The following ADAMTS14 variants were observed in gnomAD, a reference collection of about 807,000 sequenced individuals.
The protein encoded by ADAMTS14 is A disintegrin and metalloproteinase with thrombospondin motifs 14.
Under a neutral mutation model 128.6 loss-of-function variants are expected in ADAMTS14, and 100 were observed. The ratio of observed to expected loss-of-function variants is 0.78; its 90% CI spans 0.66 to 0.92. ADAMTS14 has a LOEUF of 0.92. Among genes scored for constraint, ADAMTS14 ranks in the 40% least tolerant of loss-of-function variants. ADAMTS14 has a pLI of 0.00. For synonymous variants in ADAMTS14, 665 were observed against 653.8 expected (o/e 1.02, Z -0.26); for missense variants, 1,562 against 1,658.6 (o/e 0.94, Z 1.01).
intron 4 of ADAMTS14, among the ~76,000 whole-genome samples, chr10:70,715,325 G>A (rs1841004658): frequency 6.6e-6 from 1 of 152,174 alleles, no homozygotes; most frequent in African/African-American, 2.4e-5. Flanking sequence ...GACCCCAGGA[G>A]AGGGAGTGCT....
intron 18 of ADAMTS14, among the ~76,000 whole-genome samples, chr10:70,753,473 T>C (rs1842403210): frequency 6.6e-6 from 1 of 152,192 alleles, no homozygotes; most frequent in African/African-American, 2.4e-5. Flanking sequence ...CAAATATGTA[T>C]GCGGCTTTGA....
At position 70,758,422 on chromosome 10, in the gene ADAMTS14, T is replaced by C; in HGVS notation, c.3178+137T>C. 5.6e-6 allele frequency: 4 copies of C among 708,110 alleles called. No individual in the cohort carries two copies. The South Asian group carries it at 7.9e-5, about 14-fold the overall frequency. The allele number at this position is 708,110 out of a possible 1,614,324, so 43.9% of individuals were successfully genotyped here. On this transcript the variant is annotated intron_variant, in intron 21 of 21. Coordinates refer to ENST00000373207, the MANE Select transcript of ADAMTS14 (RefSeq NM_080722.4). ...TTCACCTCCCTGAGCCTCAGATACCTCAGTTATGAAGTGGGGAGGAGGCTC... is the reference window on the plus strand; with the variant it reads ...TTCACCTCCCTGAGCCTCAGATACCCCAGTTATGAAGTGGGGAGGAGGCTC...
At chr10:70,756,046 T>C (rs946744) in intron 19 of ADAMTS14, among the ~76,000 whole-genome samples, 38,706 of 151,994 alleles carry the variant, frequency 0.25, 5,119 homozygotes, top group Admixed American at 0.28. Flanking sequence ...ACAAGAAAAA[T>C]GAACAGGCCT....
At chr10:70,743,919 C>A (rs1188795280) in intron 13 of ADAMTS14, 147 bp from the exon 14 acceptor site, 1 of 1,221,324 alleles carries the variant, frequency 8.2e-7, no homozygotes, top group Non-Finnish European at 1.1e-6. Context: ...CCAGGTCCCA[C>A]GGTGAATTCG....
At chr10:70,743,230 G>T (rs144580657) in intron 12 of ADAMTS14, among the ~76,000 whole-genome samples, 1 of 152,188 alleles carries the variant, frequency 6.6e-6, no homozygotes, top group Non-Finnish European at 1.5e-5. Flanking sequence ...GAAATATCTA[G>T]TACATAGTAA....
At chr10:70,712,959 AACTCTGTTCTGCC>A (rs1840908349) in intron 4 of ADAMTS14, among the ~76,000 whole-genome samples, 1 of 152,170 alleles carries the variant, frequency 6.6e-6, no homozygotes, top group Non-Finnish European at 1.5e-5. Flanking sequence ...TCTCTTCTGC[AACTCTGTTCTGCC>A]ACCTGCTCCT....
At chr10:70,743,516 C>T (rs758779417) in intron 12 of ADAMTS14, 32 bp from the exon 13 acceptor site, 23 of 1,601,870 alleles carry the variant, frequency 1.4e-5, no homozygotes, top group Non-Finnish European at 1.9e-5. Context: ...CTGAGCCCAG[C>T]TGGGGACTCA....
At chr10:70,682,507 C>T (rs1394209692) in intron 2 of ADAMTS14, among the ~76,000 whole-genome samples, 1 of 152,224 alleles carries the variant, frequency 6.6e-6, no homozygotes, top group African/African-American at 2.4e-5. Flanking sequence ...TGCCATGACC[C>T]TGAGCAGTTA....
chr10:70,683,203 G>A (rs1007712963), intron 2 of ADAMTS14, among the ~76,000 whole-genome samples: 21 of 152,316 alleles, frequency 1.4e-4, no homozygotes, highest in African/African-American at 4.8e-4. Context: ...GGGGAAACCC[G>A]TTTACCTCCC....
At chr10:70,706,865 G>C (rs1840683238) in intron 3 of ADAMTS14, among the ~76,000 whole-genome samples, 1 of 152,272 alleles carries the variant, frequency 6.6e-6, no homozygotes, top group Non-Finnish European at 1.5e-5. Flanking sequence ...TAGCAGCGTA[G>C]AGGCGGCTCG....
chr10:70,704,291 G>A (rs1840583131), intron 3 of ADAMTS14, among the ~76,000 whole-genome samples: 1 of 152,058 alleles, frequency 6.6e-6, no homozygotes, highest in South Asian at 2.1e-4. Context: ...TCGGCACTCA[G>A]TAAGGCCTCA....
intron 13 of ADAMTS14, 48 bp from the exon 14 acceptor site, chr10:70,744,018 G>A (rs201330432): frequency 1.0e-5 from 16 of 1,541,238 alleles, no homozygotes; most frequent in Admixed American, 9.9e-5. Flanking sequence ...CCGGGGTGGC[G>A]GTGGGGGCAG....
intron 2 of ADAMTS14, among the ~76,000 whole-genome samples, chr10:70,676,693 G>T (rs1181379190): frequency 6.6e-6 from 1 of 152,262 alleles, no homozygotes; most frequent in Non-Finnish European, 1.5e-5. Context: ...TCTGCCGCCA[G>T]CCCACTCTGG....
chr10:70,754,922 C>T (rs764385835), intron 19 of ADAMTS14, among the ~76,000 whole-genome samples: 4 of 152,070 alleles, frequency 2.6e-5, no homozygotes, highest in Admixed American at 6.5e-5. Context: ...ACTGCCTTGA[C>T]GAAATTGTCT....
In ADAMTS14 at chr10:70,753,772, ACCT is replaced by A. The variant is rs770682881; in HGVS notation, c.2730-23_2730-21del. 22 of 1,527,606 alleles carry A rather than the reference ACCT, an allele frequency of 1.4e-5. No individual in the cohort carries two copies. In the South Asian group the frequency reaches 2.7e-4, roughly 19 times the overall value. The allele number at this position is 1,527,606 out of a possible 1,614,324, so 94.6% of individuals were successfully genotyped here. ...TGGGATGAAGTGCCCCCTTGGTCTC[ACCT>A]CCTCTCCTTTCACCCTGTTTCCAGG... On this transcript the variant is annotated intron_variant, in intron 18 of 21. Transcript: ENST00000373207.
At chr10:70,675,026 C>T (rs1164484535) in intron 2 of ADAMTS14, 31 bp downstream of exon 2, 1 of 1,599,376 alleles carries the variant, frequency 6.3e-7, no homozygotes, top group Non-Finnish European at 8.5e-7. Flanking sequence ...TAAGCTGCAT[C>T]CTCCCCCTCC....
At chr10:70,714,061 T>C (rs1840941951) in intron 4 of ADAMTS14, among the ~76,000 whole-genome samples, 1 of 152,092 alleles carries the variant, frequency 6.6e-6, no homozygotes, top group South Asian at 2.1e-4. Context: ...AGCAAGGTGG[T>C]GCACACCTGT....
In ADAMTS14 at chr10:70,751,620, C is replaced by A. The variant is rs754735629; in HGVS notation, c.2570C>A (p.Ala857Asp). Residue 857 changes from alanine to aspartate, a missense_variant, in exon 17 of 22, where the codon GCC (alanine) becomes GAC (aspartate). Ala to Asp is a moderately radical substitution (Grantham distance 126, BLOSUM62 -2). Coordinates refer to ENST00000373207, the MANE Select transcript of ADAMTS14 (RefSeq NM_080722.4). ...TATGAGTGGGCGCTCAAGAGCTGGGCCCCCTGCAGCAAGGCCTGTGGAGGA... is the reference window on the plus strand; with the variant it reads ...TATGAGTGGGCGCTCAAGAGCTGGGACCCCTGCAGCAAGGCCTGTGGAGGA... ...DTYEWALKSW[A>D]PCSKACGGGI... is the part of the protein sequence containing the mutation. 2 of 1,611,260 alleles carry A rather than the reference C, an allele frequency of 1.2e-6. No homozygotes were observed. The highest frequency in any genetic ancestry group is 1.1e-5 in the South Asian group (1 of 91,002).
intron 13 of ADAMTS14, 63 bp downstream of exon 13, chr10:70,743,744 C>G: frequency 6.8e-7 from 1 of 1,478,462 alleles, no homozygotes; most frequent in Non-Finnish European, 9.0e-7. Flanking sequence ...GCACTGTAGC[C>G]CCTCCTGCCT....
Sources: gnomAD v4.1 joint callset for allele counts (sites outside exome capture counted in the v4.1 genomes callset) on GRCh38, gnomAD v4.1.1 for gene constraint, MANE v1.5 for transcripts, NCBI Gene and HGNC (gene_info 2026-07-23, HGNC 2026-07-21) for gene names.